Variants in PAM observed in about 807,000 individuals in gnomAD.
The protein encoded by PAM is peptidyl-glycine alpha-amidating monooxygenase.
PAM carries 72 observed loss-of-function variants against 122.1 expected under a neutral mutation model. The observed-to-expected ratio is 0.59, with a 90% CI of 0.49 to 0.72. The LOEUF is 0.72. PAM is among the 30% of genes least tolerant of loss of function. PAM has a pLI of 0.00. For missense variants in PAM, 1,106 were observed against 1,183.7 expected, an observed-to-expected ratio of 0.93 and a Z score of 0.96; for synonymous variants, 389 against 404.4, an observed-to-expected ratio of 0.96 and a Z score of 0.46.
intron 1 of PAM, among the ~76,000 whole-genome samples, chr5:102,762,269 G>C (rs1052013526): frequency 3.3e-5 from 5 of 152,074 alleles, no homozygotes; most frequent in Admixed American, 3.3e-4. Flanking sequence ...TTGTGCCTCT[G>C]TTCTCTTCAT....
Position 102,985,150 on chromosome 5 carries a change from AC to A in PAM, c.1484-5121del, listed in dbSNP as rs528414423. Among the ~76,000 whole-genome samples the A allele has an allele frequency of 3.3e-3, 498 of 152,204 alleles. 4 individuals carry two copies. The highest frequency in any genetic ancestry group is 0.011 in the African/African-American group (457 of 41,558). ...AGAGTAGAAGGATGTCAAATAAGCA[AC>A]TTAACAATGCACTTCAAAGAACTAG... is the stretch of plus-strand genomic sequence containing the variant. On this transcript the variant is annotated intron_variant, in intron 15 of 25. Transcript: ENST00000438793.
intron 1 of PAM, among the ~76,000 whole-genome samples, chr5:102,816,119 A>G (rs1019447722): frequency 1.3e-5 from 2 of 152,142 alleles, no homozygotes; most frequent in African/African-American, 4.8e-5. Flanking sequence ...GACAGCCAGT[A>G]ATTATTGGAT....
At chr5:102,895,213 A>G (rs1795873975) in intron 3 of PAM, among the ~76,000 whole-genome samples, 1 of 151,782 alleles carries the variant, frequency 6.6e-6, no homozygotes, top group South Asian at 2.1e-4. Flanking sequence ...TTACGCTAAA[A>G]CATTGCCAAC....
intron 7 of PAM, among the ~76,000 whole-genome samples, chr5:102,931,034 ATGGTATCATAG>A (rs1159145496): frequency 6.6e-6 from 1 of 152,162 alleles, no homozygotes; most frequent in Non-Finnish European, 1.5e-5. Context: ...CATCTGTAAA[ATGGTATCATAG>A]TGGTATCATA....
At chr5:102,893,795 T>C (rs1279864078) in intron 3 of PAM, among the ~76,000 whole-genome samples, 2 of 151,790 alleles carry the variant, frequency 1.3e-5, no homozygotes, top group Non-Finnish European at 2.9e-5. Flanking sequence ...ATTCTCTACT[T>C]GGTGGCATAT....
intron 1 of PAM, among the ~76,000 whole-genome samples, chr5:102,861,064 C>T (rs935244734): frequency 1.7e-4 from 26 of 152,192 alleles, no homozygotes; most frequent in Admixed American, 9.2e-4. Context: ...TCAAGTAGCC[C>T]GAGAGAGAAG....
rs114078795 is a variant in PAM, at chr5:102,833,859, T to G, written c.-373-31964T>G. ...TGAGAAGAGATCCTACATTGGGCTA[T>G]TTTTGACTTTCCAATAAGCTGTTAT... On this transcript the variant is annotated intron_variant, in intron 1 of 25. Transcript: ENST00000438793. Among the ~76,000 whole-genome samples, 366 of 152,256 alleles carry G rather than the reference T, an allele frequency of 2.4e-3. 2 individuals carry two copies. The highest frequency in any genetic ancestry group is 8.4e-3 in the African/African-American group (349 of 41,574).
intron 16 of PAM, among the ~76,000 whole-genome samples, chr5:102,996,601 C>T (rs751801163): frequency 5.3e-5 from 8 of 152,124 alleles, no homozygotes; most frequent in South Asian, 2.1e-4. Context: ...CCCATGTAAC[C>T]GTCAGGGACC....
At chr5:102,962,714 T>C (rs1287701617) in intron 14 of PAM, among the ~76,000 whole-genome samples, 1 of 151,812 alleles carries the variant, frequency 6.6e-6, no homozygotes. Flanking sequence ...TATTAAAGGT[T>C]ATATTTCATC....
At chr5:102,977,032 G>C (rs1369005903) in intron 15 of PAM, among the ~76,000 whole-genome samples, 1 of 152,074 alleles carries the variant, frequency 6.6e-6, no homozygotes, top group Non-Finnish European at 1.5e-5. Flanking sequence ...CTAATACAAT[G>C]GTGTTTTCTG....
chr5:102,932,340 T>C (rs947969201), intron 7 of PAM, among the ~76,000 whole-genome samples: 28 of 151,906 alleles, frequency 1.8e-4, no homozygotes, highest in African/African-American at 6.8e-4. Flanking sequence ...ATACAAAAAT[T>C]AGCCAGCTGT....
At chr5:102,768,089 A>C (rs1176451319) in intron 1 of PAM, among the ~76,000 whole-genome samples, 3 of 152,174 alleles carry the variant, frequency 2.0e-5, no homozygotes, top group Non-Finnish European at 4.4e-5. Context: ...GACAGTGACA[A>C]AGAATACTGC....
intron 3 of PAM, among the ~76,000 whole-genome samples, chr5:102,875,546 A>C (rs1193278952): frequency 6.6e-6 from 1 of 152,228 alleles, no homozygotes; most frequent in East Asian, 1.9e-4. Flanking sequence ...CATATGTAGA[A>C]AGACATGCTA....
At chr5:102,758,057 AAAG>A in intron 1 of PAM, among the ~76,000 whole-genome samples, 1 of 123,946 alleles carries the variant, frequency 8.1e-6, no homozygotes, top group Non-Finnish European at 1.7e-5. Flanking sequence ...AAAAAAAAAA[AAAG>A]ACTTAGAATT....
chr5:102,941,257 A>G, intron 7 of PAM, among the ~76,000 whole-genome samples: 1 of 152,234 alleles, frequency 6.6e-6, no homozygotes, highest in East Asian at 1.9e-4. Flanking sequence ...CATTTGTGAA[A>G]GTCGTCGTCT....
chr5:102,832,738 G>A (rs1775829173), intron 1 of PAM, among the ~76,000 whole-genome samples: 1 of 152,046 alleles, frequency 6.6e-6, no homozygotes. Flanking sequence ...GAAAGAACTA[G>A]TTGGAGGAAT....
intron 1 of PAM, among the ~76,000 whole-genome samples, chr5:102,760,975 G>T (rs1752166210): frequency 6.6e-6 from 1 of 152,204 alleles, no homozygotes; most frequent in Non-Finnish European, 1.5e-5. Context: ...GCCCAAAGGA[G>T]ATTGAACTGC....
chr5:102,878,122 C>A (rs76619008), intron 3 of PAM, among the ~76,000 whole-genome samples: 4,688 of 151,934 alleles, frequency 0.031, 101 homozygotes, highest in Non-Finnish European at 0.046. Flanking sequence ...ACATAAATAT[C>A]CCTCTGTAAG....
At chr5:102,779,918 T>TATACATACACACAC (rs147065045) in intron 1 of PAM, among the ~76,000 whole-genome samples, 1 of 95,704 alleles carries the variant, frequency 1.0e-5, no homozygotes, top group Non-Finnish European at 2.0e-5. Flanking sequence ...TATATATATA[T>TATACATACACACAC]ACACACATAT....
Sources: gnomAD v4.1 joint callset for allele counts (sites outside exome capture counted in the v4.1 genomes callset) on GRCh38, gnomAD v4.1.1 for gene constraint, MANE v1.5 for transcripts, NCBI Gene and HGNC (gene_info 2026-07-23, HGNC 2026-07-21) for gene names.